The following MACROD2 variants were observed in gnomAD, a reference collection of about 807,000 sequenced individuals.
The protein encoded by MACROD2 is mono-ADP ribosylhydrolase 2, also known as ADP-ribose glycohydrolase MACROD2.
In MACROD2, 36 loss-of-function variants were observed where a neutral mutation model predicts 70.4. The ratio of observed to expected loss-of-function variants is 0.51; its 90% CI spans 0.39 to 0.68. The LOEUF (loss-of-function observed/expected upper bound fraction) is 0.68, where lower values mean the gene tolerates loss of function less well. MACROD2 is among the 30% of genes least tolerant of loss of function. The probability of loss-of-function intolerance (pLI) is 0.00; values close to 1 mark genes in which losing one functional copy is unlikely to be tolerated. For missense variants in MACROD2, 496 were observed against 538.4 expected, an observed-to-expected ratio of 0.92 and a Z score of 0.78; for synonymous variants, 172 against 178.8, an observed-to-expected ratio of 0.96 and a Z score of 0.30.
chr20:14,498,026 G>A (rs2084873782), intron 4 of MACROD2, among the ~76,000 whole-genome samples: 2 of 151,718 alleles, frequency 1.3e-5, no homozygotes, highest in African/African-American at 4.9e-5. Context: ...AAGGTTCAGT[G>A]CCTTGTGTTA....
chr20:15,861,598 G>A (rs1280791030), intron 8 of MACROD2, among the ~76,000 whole-genome samples: 1 of 152,166 alleles, frequency 6.6e-6, no homozygotes, highest in Non-Finnish European at 1.5e-5. Flanking sequence ...TTTCCAAGAG[G>A]CAGTCTACCC....
chr20:14,282,988 G>C (rs1414431902), intron 3 of MACROD2, among the ~76,000 whole-genome samples: 1 of 152,126 alleles, frequency 6.6e-6, no homozygotes, highest in East Asian at 1.9e-4. Flanking sequence ...ACAGTGTCAT[G>C]TTCCCTACAT....
Position 14,019,697 on chromosome 20 carries a change from C to G in MACROD2, c.163+17293C>G, listed in dbSNP as rs535327269. 4.6e-5 allele frequency among the ~76,000 whole-genome samples: 7 copies of G among 151,854 alleles called. No individual in the cohort carries two copies. The South Asian group carries it at 1.3e-3, about 27-fold the overall frequency. On this transcript the variant is annotated intron_variant, in intron 2 of 17. Coordinates refer to ENST00000684519, the MANE Select transcript of MACROD2 (RefSeq NM_001351661.2). The stretch of plus-strand genomic sequence containing the variant: ...TCATGTGCTGAGTCTGCCACAGGAC[C>G]ATTGAATCATGAGTCTTGGATCTGG...
intron 5 of MACROD2, among the ~76,000 whole-genome samples, chr20:15,124,493 C>G (rs114683147): frequency 0.024 from 3,655 of 151,268 alleles, 149 homozygotes; most frequent in African/African-American, 0.084. Context: ...TATATATAGC[C>G]AACCAAAATA....
At chr20:15,392,697 G>A (rs2045809374) in intron 6 of MACROD2, among the ~76,000 whole-genome samples, 2 of 151,532 alleles carry the variant, frequency 1.3e-5, no homozygotes, top group Non-Finnish European at 2.9e-5. Flanking sequence ...CCTTCTTTTT[G>A]TTCTCTCTCT....
chr20:15,559,222 G>A (rs1428467015), intron 8 of MACROD2, among the ~76,000 whole-genome samples: 2 of 81,412 alleles, frequency 2.5e-5, no homozygotes, highest in African/African-American at 1.1e-4. Context: ...GCGAAACTCC[G>A]TCTCAAAAAA....
At chr20:15,285,424 G>T (rs924988841) in intron 6 of MACROD2, among the ~76,000 whole-genome samples, 2 of 152,076 alleles carry the variant, frequency 1.3e-5, no homozygotes, top group African/African-American at 4.8e-5. Context: ...AATTTTCTTT[G>T]AACTAGCTTT....
intron 4 of MACROD2, among the ~76,000 whole-genome samples, chr20:14,612,253 A>G (rs1014383525): frequency 3.3e-5 from 5 of 152,154 alleles, no homozygotes; most frequent in African/African-American, 1.2e-4. Flanking sequence ...TCCCAATAAT[A>G]TATATAGGTA....
intron 8 of MACROD2, among the ~76,000 whole-genome samples, chr20:15,635,351 G>A (rs191087558): frequency 2.6e-5 from 4 of 152,274 alleles, no homozygotes; most frequent in Admixed American, 2.6e-4. Context: ...CCATCTGTTT[G>A]CAAAGCTAGT....
chr20:14,591,604 A>C (rs981140691), intron 4 of MACROD2, among the ~76,000 whole-genome samples: 1 of 152,200 alleles, frequency 6.6e-6, no homozygotes, highest in African/African-American at 2.4e-5. Context: ...ATGTCTACAA[A>C]GGAAGAACAT....
chr20:15,065,633 G>A (rs538097945), intron 5 of MACROD2, among the ~76,000 whole-genome samples: 19 of 142,768 alleles, frequency 1.3e-4, no homozygotes, highest in Non-Finnish European at 2.4e-4. Flanking sequence ...TAGCCTGGGC[G>A]ACAGAGCGAG....
chr20:14,905,110 C>T (rs545304360), intron 5 of MACROD2: 1 of 152,112 alleles, frequency 6.6e-6, no homozygotes, highest in Non-Finnish European at 1.5e-5. Flanking sequence ...AGTCATGATA[C>T]AAGGTGACAT....
At chr20:14,742,351 T>C (rs1172721233) in intron 5 of MACROD2, among the ~76,000 whole-genome samples, 3 of 152,134 alleles carry the variant, frequency 2.0e-5, no homozygotes, top group African/African-American at 7.2e-5. Context: ...TTTTAAAAAC[T>C]ACAGAAATAT....
chr20:15,111,145 C>A (rs551566362), intron 5 of MACROD2, among the ~76,000 whole-genome samples: 5 of 150,250 alleles, frequency 3.3e-5, no homozygotes, highest in African/African-American at 1.2e-4. Context: ...TTTTTTACTT[C>A]CGTAGTGTTT....
At chr20:14,251,893 T>G (rs140694194) in intron 3 of MACROD2, among the ~76,000 whole-genome samples, 258 of 152,226 alleles carry the variant, frequency 1.7e-3, no homozygotes, top group African/African-American at 6.0e-3. Flanking sequence ...TTAATTTACC[T>G]TCTTGGGAAC....
intron 3 of MACROD2, among the ~76,000 whole-genome samples, chr20:14,396,448 A>G (rs1600197373): frequency 6.6e-6 from 1 of 152,146 alleles, no homozygotes; most frequent in Admixed American, 6.5e-5. Flanking sequence ...GAATCCTTTT[A>G]TCATAGTGAA....
At chr20:14,015,571 C>T (rs2052976747) in intron 2 of MACROD2, among the ~76,000 whole-genome samples, 1 of 152,140 alleles carries the variant, frequency 6.6e-6, no homozygotes, top group Non-Finnish European at 1.5e-5. Flanking sequence ...GAGTAGACCT[C>T]CTCTCTTAAA....
intron 5 of MACROD2, among the ~76,000 whole-genome samples, chr20:14,992,428 C>G (rs752958755): frequency 6.6e-6 from 1 of 152,114 alleles, no homozygotes; most frequent in African/African-American, 2.4e-5. Flanking sequence ...AACTCAGTTG[C>G]TTTGATGTAT....
chr20:14,575,265 GA>G (rs1169778321), intron 4 of MACROD2, among the ~76,000 whole-genome samples: 6 of 152,054 alleles, frequency 3.9e-5, no homozygotes, highest in Non-Finnish European at 8.8e-5. Context: ...TTTTCCCAAT[GA>G]AAAAATTTAG....
Sources: allele counts gnomAD v4.1 joint callset (sites outside exome capture counted in the v4.1 genomes callset), GRCh38; gene constraint gnomAD v4.1.1; transcripts MANE v1.5; gene names NCBI Gene and HGNC (gene_info 2026-07-23, HGNC 2026-07-21).